Variants in CTDSPL2 observed in about 807,000 individuals in gnomAD.
CTDSPL2 encodes CTD small phosphatase-like protein 2.
In CTDSPL2, 5 loss-of-function variants were observed where a neutral mutation model predicts 60.0. The ratio of observed to expected loss-of-function variants is 0.08; its 90% CI spans 0.04 to 0.18. The LOEUF (loss-of-function observed/expected upper bound fraction) is 0.18. Ranked by LOEUF, CTDSPL2 falls within the 10% of genes least tolerant of loss-of-function variation. The pLI is 1.00. For missense variants in CTDSPL2, 370 were observed against 548.8 expected (o/e 0.67, Z 3.26); for synonymous variants, 186 against 189.3 (o/e 0.98, Z 0.14).
At position 44,478,434 on chromosome 15, in the gene CTDSPL2, A is replaced by G. The variant is rs186630460; in HGVS notation, c.187-5790A>G. ...ACCACTGCACTTCAGCCTGGGCAAG[A>G]AGAGCAAGACTCTGTCTCAAAAAAA... On this transcript the variant is annotated intron_variant, in intron 2 of 12. Transcript: ENST00000260327. 4.5e-3 allele frequency among the ~76,000 whole-genome samples: 629 copies of G among 138,534 alleles called. 7 individuals carry two copies. Among genetic ancestry groups the G allele is most frequent in the Non-Finnish European group, 5.6e-3 (361 of 64,990 alleles). The allele number at this position is 138,534 out of a possible 152,430, so 90.9% of individuals were successfully genotyped here.
chr15:44,434,716 C>G, intron 1 of CTDSPL2, among the ~76,000 whole-genome samples: 1 of 152,160 alleles, frequency 6.6e-6, no homozygotes, highest in East Asian at 1.9e-4. Flanking sequence ...ACATTCTTTT[C>G]TTTCTTATTT....
chr15:44,433,578 G>T (rs1340129595), intron 1 of CTDSPL2, among the ~76,000 whole-genome samples: 6 of 151,526 alleles, frequency 4.0e-5, no homozygotes, highest in Non-Finnish European at 1.5e-5. Context: ...CGCCTCCCTG[G>T]TTCAAGTGAT....
intron 2 of CTDSPL2, among the ~76,000 whole-genome samples, chr15:44,476,099 C>G (rs987816044): frequency 6.6e-6 from 1 of 152,136 alleles, no homozygotes; most frequent in South Asian, 2.1e-4. Context: ...ATGGAGTCTT[C>G]GCTCTGTCGC....
chr15:44,495,249 C>T (rs910635188), intron 5 of CTDSPL2, among the ~76,000 whole-genome samples: 11 of 152,080 alleles, frequency 7.2e-5, no homozygotes, highest in African/African-American at 1.4e-4. Context: ...GGATTACAGG[C>T]GCCCGCCACC....
intron 1 of CTDSPL2, among the ~76,000 whole-genome samples, chr15:44,428,706 C>T (rs79511671): frequency 0.03 from 4,591 of 152,280 alleles, 247 homozygotes; most frequent in African/African-American, 0.1. Context: ...AGTGGGTATA[C>T]AAATTAGTGA....
rs1371714207 is a variant in CTDSPL2, at chr15:44,507,069, TTTTG to T, written c.969+7264_969+7267del. On this transcript the variant is annotated intron_variant, in intron 8 of 12. Transcript: ENST00000260327. ...GGCGTGAGCCACCGCGCCTGGCTTT[TTTTG>T]TTTGTTTTTTGTTTTTTTTTTTAAA... Among the ~76,000 whole-genome samples the T allele has an allele frequency of 3.7e-4, 53 of 143,520 alleles. No homozygotes were observed. The East Asian group carries it at 8.9e-3, about 24-fold the overall frequency. The allele number at this position is 143,520 out of a possible 152,430, so 94.2% of individuals were successfully genotyped here.
Position 44,428,336 on chromosome 15 carries a change from A to G in CTDSPL2, c.-25+564A>G, listed in dbSNP as rs554639685. On this transcript the variant is annotated intron_variant, in intron 1 of 12. Coordinates refer to ENST00000260327, the MANE Select transcript of CTDSPL2 (RefSeq NM_016396.3). The stretch of plus-strand genomic sequence containing the variant: ...CGGGAGTGGTAGTAAAGAACAGTCC[A>G]TGTGGAAGGCGTCTGGTTTCCACAG... Among the ~76,000 whole-genome samples, 6 of 152,330 alleles carry G rather than the reference A, an allele frequency of 3.9e-5. No individual in the cohort carries two copies. The South Asian group carries it at 1.2e-3, about 32-fold the overall frequency.
At chr15:44,465,411 T>C (rs1405286201) in intron 2 of CTDSPL2, among the ~76,000 whole-genome samples, 1 of 152,190 alleles carries the variant, frequency 6.6e-6, no homozygotes, top group Non-Finnish European at 1.5e-5. Context: ...AATTTCCATA[T>C]GAATGCAGTT....
Position 44,448,072 on chromosome 15 carries a change from A to G in CTDSPL2, c.-24-10919A>G, listed in dbSNP as rs964676307. 3 of 243,914 alleles carry G rather than the reference A, an allele frequency of 1.2e-5. No homozygotes were observed. In the Admixed American group the frequency reaches 1.3e-4, roughly 11 times the overall value. 15.1% of individuals were successfully genotyped at this position (243,914 alleles called of 1,614,324 possible). A position where few individuals can be genotyped will look rare whatever the true frequency, so the allele number is the denominator to read the frequency against. On this transcript the variant is annotated intron_variant, in intron 1 of 12. Coordinates refer to ENST00000260327, the MANE Select transcript of CTDSPL2 (RefSeq NM_016396.3). ...ACCTATGTGCTCCAGGCCAGTGGCC[A>G]TGTGATCCATCATGGGGCTCATGTG...
chr15:44,492,115 C>T (rs950365295), intron 5 of CTDSPL2, among the ~76,000 whole-genome samples: 1 of 151,948 alleles, frequency 6.6e-6, no homozygotes, highest in African/African-American at 2.4e-5. Context: ...ATGATCTGCC[C>T]ACCTCGGCCT....
At chr15:44,505,445 A>G (rs2081444052) in intron 8 of CTDSPL2, among the ~76,000 whole-genome samples, 2 of 151,436 alleles carry the variant, frequency 1.3e-5, no homozygotes, top group South Asian at 4.2e-4. Flanking sequence ...AGGAGAAAAA[A>G]CATACGGGCC....
At chr15:44,492,346 A>G (rs138572739) in intron 5 of CTDSPL2, among the ~76,000 whole-genome samples, 70 of 152,296 alleles carry the variant, frequency 4.6e-4, no homozygotes, top group African/African-American at 1.6e-3. Flanking sequence ...GGGAAAGACA[A>G]AAGAAAAAAA....
chr15:44,524,111 T>C lies in CTDSPL2; in HGVS notation c.1338T>C (p.Asn446=), dbSNP rs2081835700. ...IPFLEKLVEL[N]EDVRPHIRDR... is the part of the protein sequence containing the mutation. ...AAAATTGTCTTTTTTCCACGCAGAATGAAGATGTTCGACCACACATCAGAG... is the reference window on the plus strand; with the variant it reads ...AAAATTGTCTTTTTTCCACGCAGAACGAAGATGTTCGACCACACATCAGAG... Residue 446 remains asparagine, a splice_region_variant and synonymous_variant, in exon 13 of 13, where the codon AAT becomes AAC. Coordinates refer to ENST00000260327, the MANE Select transcript of CTDSPL2 (RefSeq NM_016396.3). 3 of 1,613,682 alleles carry C rather than the reference T, an allele frequency of 1.9e-6. No individual in the cohort carries two copies. Among genetic ancestry groups the C allele is most frequent in the East Asian group, 4.5e-5 (2 of 44,878 alleles).
intron 1 of CTDSPL2, among the ~76,000 whole-genome samples, chr15:44,433,568 C>T (rs1363934234): frequency 8.6e-5 from 13 of 151,956 alleles, no homozygotes; most frequent in South Asian, 2.1e-4. Context: ...CTGCAACCTC[C>T]GCCTCCCTGG....
At chr15:44,452,128 A>G (rs1010688194) in intron 1 of CTDSPL2, among the ~76,000 whole-genome samples, 1 of 152,218 alleles carries the variant, frequency 6.6e-6, no homozygotes, top group Non-Finnish European at 1.5e-5. Flanking sequence ...TTATATTGAA[A>G]TATTGAAATA....
At chr15:44,428,906 C>T (rs1025099679) in intron 1 of CTDSPL2, among the ~76,000 whole-genome samples, 6 of 151,436 alleles carry the variant, frequency 4.0e-5, no homozygotes, top group African/African-American at 1.5e-4. Context: ...CATTGCAGAC[C>T]AATTGTTCAT....
intron 8 of CTDSPL2, among the ~76,000 whole-genome samples, chr15:44,508,158 C>CT (rs2081503971): frequency 6.6e-6 from 1 of 151,734 alleles, no homozygotes; most frequent in Admixed American, 6.6e-5. Flanking sequence ...TCACATCTCA[C>CT]TGCAGCCTCA....
At chr15:44,478,341 T>C (rs1041224444) in intron 2 of CTDSPL2, among the ~76,000 whole-genome samples, 1 of 147,954 alleles carries the variant, frequency 6.8e-6, no homozygotes, top group Admixed American at 6.8e-5. Context: ...AATCCCAGCT[T>C]CTCGGGAGGC....
At chr15:44,455,501 T>G (rs1269461276) in intron 1 of CTDSPL2, among the ~76,000 whole-genome samples, 2 of 152,180 alleles carry the variant, frequency 1.3e-5, no homozygotes, top group Admixed American at 1.3e-4. Flanking sequence ...CTTGTGCCAG[T>G]TTTCAAAGGG....
Sources: allele counts gnomAD v4.1 joint callset (sites outside exome capture counted in the v4.1 genomes callset), GRCh38; gene constraint gnomAD v4.1.1; transcripts MANE v1.5; gene names NCBI Gene and HGNC (gene_info 2026-07-23, HGNC 2026-07-21).